MIB2: variants seen among roughly 807,000 people sequenced by gnomAD.
The protein encoded by MIB2 is E3 ubiquitin-protein ligase MIB2.
MIB2 carries 78 observed loss-of-function variants against 96.6 expected under a neutral mutation model. The observed-to-expected ratio is 0.81, with a 90% CI of 0.67 to 0.97. The LOEUF (loss-of-function observed/expected upper bound fraction) is 0.97. Ranked by LOEUF, MIB2 falls within the 50% of genes least tolerant of loss-of-function variation. The pLI is 0.00. For missense variants in MIB2, 1,543 were observed against 1,424.0 expected, an observed-to-expected ratio of 1.08 and a Z score of -1.35; for synonymous variants, 820 against 629.5, an observed-to-expected ratio of 1.30 and a Z score of -4.53.
Position 1,625,617 on chromosome 1 carries a change from G to A in MIB2, c.936G>A (p.Glu312=). Residue 312 remains glutamate, a synonymous_variant, in exon 8 of 20, where the codon GAG becomes GAA. Transcript: ENST00000355826. The surrounding 1 kb of genome is among the most constrained non-coding windows in gnomAD (Gnocchi z 5.0). The stretch of plus-strand genomic sequence containing the variant: ...ACGTGCGCGTGCAGTTCAACCACGA[G>A]ACGCGCTGGACCTTCCACCCCGGGG... ...RGDVRVQFNH[E]TRWTFHPGAL... The A allele has an allele frequency of 6.4e-7, 1 of 1,572,378 alleles. No homozygotes were observed. The highest frequency in any genetic ancestry group is 8.6e-7 in the Non-Finnish European group (1 of 1,159,296).
chr1:1,628,301 C>A lies in MIB2; in HGVS notation c.1870C>A (p.Arg624=), dbSNP rs760004927. The A allele has an allele frequency of 6.2e-7, 1 of 1,612,972 alleles. No individual in the cohort carries two copies. The highest frequency in any genetic ancestry group is 2.2e-5 in the East Asian group (1 of 44,880). The change falls in exon 15 of 20, where the codon CGG becomes AGG. Residue 624 remains arginine, a synonymous_variant. Transcript: ENST00000355826. Reference sequence around the variant, plus strand: ...TGTGAGAAAGATTCTGGCTCGGGCGCGGCAGCTGGTGGACGCCAAGAAGGA... The same window carrying A: ...TGTGAGAAAGATTCTGGCTCGGGCGAGGCAGCTGGTGGACGCCAAGAAGGA... ...LAVRKILARA[R]QLVDAKKEDG...
intron 12 of MIB2, 74 bp from the exon 13 acceptor site, chr1:1,627,599 G>A: frequency 2.6e-6 from 4 of 1,520,604 alleles, no homozygotes; most frequent in Non-Finnish European, 3.5e-6. Flanking sequence ...CTGGGGTCGG[G>A]CCTGGCGGGG....
In MIB2 at chr1:1,626,787, C is replaced by T. The variant is rs763424169; in HGVS notation, c.1077+33C>T. The T allele has an allele frequency of 1.8e-5, 28 of 1,586,498 alleles. No homozygotes were observed. The highest frequency in any genetic ancestry group is 3.4e-5 in the South Asian group (3 of 89,248). On this transcript the variant is annotated intron_variant, in intron 9 of 19. Coordinates refer to ENST00000355826, the MANE Select transcript of MIB2 (RefSeq NM_001170687.4). The surrounding 1 kb of genome is among the most constrained non-coding windows in gnomAD (Gnocchi z 5.3). Reference sequence around the variant, plus strand: ...CCCCTGCCACCCCCGCCGCTAGCGCCGCTGCCCCCCACACCTGCAGCCTGC... The same window carrying T: ...CCCCTGCCACCCCCGCCGCTAGCGCTGCTGCCCCCCACACCTGCAGCCTGC...
In MIB2 at chr1:1,628,073, A is replaced by G; in HGVS notation, c.1735A>G (p.Ser579Gly). ...CGCCATCTCGGCGGGCACTGGAGCC[A>G]GCGGCATTGTCGAGGTCCTCACGGA... ...HSAISAGTGA[S>G]GIVEVLTEVP... Residue 579 changes from serine to glycine, a missense_variant, in exon 14 of 20, where the codon AGC becomes GGC. Physicochemically the swap from Ser to Gly is moderately conservative, Grantham distance 56. Transcript: ENST00000355826. 1 of 1,613,176 alleles carries G rather than the reference A, an allele frequency of 6.2e-7. No individual in the cohort carries two copies. Among genetic ancestry groups the G allele is most frequent in the Non-Finnish European group, 8.5e-7 (1 of 1,179,978 alleles).
chr1:1,616,810 C>CT (rs1557550890), intron 2 of MIB2, 196 bp downstream of exon 2: 2 of 529,266 alleles, frequency 3.8e-6, no homozygotes, highest in Non-Finnish European at 6.7e-6. Context: ...AGACAGGCCT[C>CT]TGATAGGCAC....
At chr1:1,621,725 C>G (rs934417096) in intron 2 of MIB2, among the ~76,000 whole-genome samples, 1 of 152,198 alleles carries the variant, frequency 6.6e-6, no homozygotes, top group Non-Finnish European at 1.5e-5. Flanking sequence ...TTGGAGAGGC[C>G]AAGCTGGCCA....
At position 1,626,069 on chromosome 1, in the gene MIB2, A is replaced by C; in HGVS notation, c.972+416A>C. 5.1e-6 allele frequency: 1 copy of C among 196,092 alleles called. No individual in the cohort carries two copies. Among genetic ancestry groups the C allele is most frequent in the Non-Finnish European group, 1.0e-5 (1 of 97,108 alleles). 12.1% of individuals were successfully genotyped at this position (196,092 alleles called of 1,614,324 possible). On this transcript the variant is annotated intron_variant, in intron 8 of 19. Transcript: ENST00000355826. This position sits in a 1 kb window ranked among gnomAD's most constrained non-coding sequence, Gnocchi z 5.3. ...GGGGAGGTAGTGAGGGCTGCCTGGG[A>C]AGCAGGATGGCAGGGAGGGGGCTGG...
chr1:1,617,132 A>T (rs1340608662), intron 2 of MIB2: 2 of 161,684 alleles, frequency 1.2e-5, no homozygotes, highest in Non-Finnish European at 2.7e-5. Flanking sequence ...CGTGGGCCTG[A>T]TCTCCCTGGG....
At position 1,629,369 on chromosome 1, in the gene MIB2, C is replaced by G; in HGVS notation, c.2382-16C>G. On this transcript the variant is annotated splice_polypyrimidine_tract_variant and intron_variant, in intron 17 of 19. Transcript: ENST00000355826. ...CGGCCTCCGGGCCCCTCTCAAGCCG[C>G]CTCCTCCCCCTGCAGGGAGCGGCAG... The G allele has an allele frequency of 1.4e-6, 2 of 1,436,198 alleles. No homozygotes were observed. Among genetic ancestry groups the G allele is most frequent in the Non-Finnish European group, 1.8e-6 (2 of 1,108,238 alleles). 89.0% of individuals were successfully genotyped at this position (1,436,198 alleles called of 1,614,324 possible).
chr1:1,615,895 T>C (rs1371188803), intron 1 of MIB2: 2 of 1,035,324 alleles, frequency 1.9e-6, no homozygotes, highest in African/African-American at 3.4e-5. Flanking sequence ...CCAGCGGCGC[T>C]GGGGTCGGCG....
chr1:1,628,388 C>T lies in MIB2; in HGVS notation c.1957C>T (p.Leu653Phe). ...LNNHREVAQI[L>F]IREGRCDVNV... ...CAACCACCGCGAGGTGGCCCAGATC[C>T]TCATCCGGGAGGTGCGGACGCGGCC... The change falls in exon 15 of 20, where the codon CTC becomes TTC. Residue 653 changes from leucine (L) to phenylalanine (F), a missense_variant. By Grantham distance (22) the Leu-to-Phe change is conservative. Coordinates refer to ENST00000355826, the MANE Select transcript of MIB2 (RefSeq NM_001170687.4). The T allele has an allele frequency of 6.2e-7, 1 of 1,612,284 alleles. No homozygotes were observed.
In MIB2 at chr1:1,629,285, C is replaced by T. The variant is rs1332451791; in HGVS notation, c.2355C>T (p.Ala785=). Residue 785 remains alanine (A), a synonymous_variant, in exon 17 of 20, where the codon GCC becomes GCT. Coordinates refer to ENST00000355826, the MANE Select transcript of MIB2 (RefSeq NM_001170687.4). ...CCGCCGAGGGTCGCGTGCTCAAGGC[C>T]CTTCAGGGCTGCGCCCAGCGCTTCC... is the stretch of plus-strand genomic sequence containing the variant. The part of the protein sequence containing the change: ...DLAAEGRVLK[A]LQGCAQRFRE... 9 of 1,527,856 alleles carry T rather than the reference C, an allele frequency of 5.9e-6. No individual in the cohort carries two copies. The Admixed American group carries it at 6.4e-5, about 11-fold the overall frequency. The allele number at this position is 1,527,856 out of a possible 1,614,324, so 94.6% of individuals were successfully genotyped here.
In MIB2 at chr1:1,623,215, G is replaced by A; in HGVS notation, c.-22-216G>A. On this transcript the variant is annotated intron_variant, in intron 2 of 19. Coordinates refer to ENST00000355826, the MANE Select transcript of MIB2 (RefSeq NM_001170687.4). ...AGACCACCCTGCAGTTCCCGCGCCA[G>A]GCTGGCACGGCGCCCGCCTTTCCCA... is the stretch of plus-strand genomic sequence containing the variant. The A allele has an allele frequency of 4.0e-6, 3 of 756,770 alleles. No individual in the cohort carries two copies. In the South Asian group the frequency reaches 6.1e-5, roughly 15 times the overall value. 46.9% of individuals were successfully genotyped at this position (756,770 alleles called of 1,614,324 possible).
intron 2 of MIB2, among the ~76,000 whole-genome samples, chr1:1,622,815 G>A (rs1325168726): frequency 6.6e-6 from 1 of 152,226 alleles, no homozygotes; most frequent in Non-Finnish European, 1.5e-5. Context: ...GCCCAAAGCT[G>A]GTGTCCCCCA....
chr1:1,624,358 G>A, intron 4 of MIB2: 1 of 382,944 alleles, frequency 2.6e-6, no homozygotes, highest in Non-Finnish European at 4.8e-6. Context: ...CCCTGCACGT[G>A]GAGGGAGGTG....
chr1:1,614,028 A>G (rs1643394074), upstream of MIB2: 1 of 152,188 alleles, frequency 6.6e-6, no homozygotes, highest in Admixed American at 6.5e-5. Flanking sequence ...AAAAAGCTAG[A>G]TATGTGAAAA....
chr1:1,620,914 C>T (rs1644202359), intron 2 of MIB2, among the ~76,000 whole-genome samples: 1 of 152,240 alleles, frequency 6.6e-6, no homozygotes, highest in South Asian at 2.1e-4. Flanking sequence ...AGTGTCATGA[C>T]CCAGGTGGGG....
rs1645080308 is a variant in MIB2, at chr1:1,628,886, G to C, written c.2202+164G>C. ...GAGCCAAGTTCTATGTGATCCTTCA[G>C]CCTGCACCCCTAGGCAGCCTGGGAA... On this transcript the variant is annotated intron_variant, in intron 16 of 19. Coordinates refer to ENST00000355826, the MANE Select transcript of MIB2 (RefSeq NM_001170687.4). 6.7e-6 allele frequency: 5 copies of C among 744,404 alleles called. No individual in the cohort carries two copies. In the South Asian group the frequency reaches 9.5e-5, roughly 14 times the overall value. The allele number at this position is 744,404 out of a possible 1,614,324, so 46.1% of individuals were successfully genotyped here. A position where few individuals can be genotyped will look rare whatever the true frequency, so the allele number is the denominator to read the frequency against.
chr1:1,614,164 G>A (rs1224552222), upstream of MIB2: 1 of 152,224 alleles, frequency 6.6e-6, no homozygotes, highest in Non-Finnish European at 1.5e-5. Context: ...CATCACGACA[G>A]CTGTGAAAGT....
Sources: allele counts gnomAD v4.1 joint callset (sites outside exome capture counted in the v4.1 genomes callset), GRCh38; gene constraint gnomAD v4.1.1; non-coding constraint Gnocchi (gnomAD v3.1); transcripts MANE v1.5; gene names NCBI Gene and HGNC (gene_info 2026-07-23, HGNC 2026-07-21).